The following PPIL4 variants were observed in gnomAD, a reference collection of about 807,000 sequenced individuals.
PPIL4 encodes the protein peptidylprolyl isomerase like 4.
PPIL4 carries 50 observed loss-of-function variants against 69.1 expected under a neutral mutation model. That is an observed-to-expected ratio of 0.72 (90% CI 0.58 to 0.92). PPIL4 has a LOEUF of 0.92. PPIL4 is among the 40% of genes least tolerant of loss of function. PPIL4 has a pLI of 0.00. For synonymous variants in PPIL4, 193 were observed against 191.6 expected (o/e 1.01, Z -0.06); for missense variants, 480 against 587.9 (o/e 0.82, Z 1.90).
At chr6:149,507,398 G>A (rs1189925375) in intron 12 of PPIL4, among the ~76,000 whole-genome samples, 7 of 152,132 alleles carry the variant, frequency 4.6e-5, no homozygotes, top group Non-Finnish European at 8.8e-5. Context: ...GAAAAAATGA[G>A]TAGGCATTTT....
chr6:149,520,239 AC>A (rs1777008710), intron 10 of PPIL4, among the ~76,000 whole-genome samples: 1 of 152,142 alleles, frequency 6.6e-6, no homozygotes. Flanking sequence ...ATATATATGC[AC>A]ATATGTATTC....
Position 149,505,674 on chromosome 6 carries a change from A to G in PPIL4, c.1258T>C (p.Tyr420His). 1.9e-6 allele frequency: 3 copies of G among 1,613,904 alleles called. No homozygotes were observed. The highest frequency in any genetic ancestry group is 2.5e-6 in the Non-Finnish European group (3 of 1,179,840). The change falls in exon 13 of 13, where the codon TAT (tyrosine) becomes CAT (histidine). Residue 420 changes from tyrosine (Y) to histidine (H), a missense_variant. By Grantham distance (83) the Tyr-to-His change is moderately conservative (BLOSUM62 2). Coordinates refer to ENST00000253329, the MANE Select transcript of PPIL4 (RefSeq NM_139126.4). Reference sequence around the variant, plus strand: ...TCCCAACAGCTTTCTTCTTCTTCATAGTGACCAAACCCCATTTCTCTATAG... The same window carrying G: ...TCCCAACAGCTTTCTTCTTCTTCATGGTGACCAAACCCCATTTCTCTATAG... The part of the protein sequence containing the change: ...DIYREMGFGH[Y>H]EEEESCWEKQ...
chr6:149,509,956 C>T (rs1776818558), intron 12 of PPIL4, among the ~76,000 whole-genome samples: 1 of 152,042 alleles, frequency 6.6e-6, no homozygotes, highest in Admixed American at 6.6e-5. Context: ...GAGACAGGGC[C>T]TCCTATGTTG....
chr6:149,537,186 T>C lies in PPIL4; in HGVS notation c.322-1448A>G, dbSNP rs553703394. The stretch of plus-strand genomic sequence containing the variant: ...AGTTATCTGGAAGATCTAGCTAAGA[T>C]CACTGATGAAGATGACTTCATGAAA... On this transcript the variant is annotated intron_variant, in intron 4 of 12. Transcript: ENST00000253329. Among the ~76,000 whole-genome samples the C allele has an allele frequency of 6.6e-5, 10 of 150,696 alleles. No individual in the cohort carries two copies. In the East Asian group the frequency reaches 2.0e-3, roughly 29 times the overall value.
chr6:149,535,854 A>T, intron 4 of PPIL4, 116 bp from the exon 5 acceptor site: 1 of 643,364 alleles, frequency 1.6e-6, no homozygotes, highest in East Asian at 2.7e-5. Flanking sequence ...TACTGCACCA[A>T]TTCTTAGACA....
chr6:149,544,084 G>T (rs1319203965), intron 1 of PPIL4, among the ~76,000 whole-genome samples: 3 of 151,624 alleles, frequency 2.0e-5, no homozygotes, highest in Non-Finnish European at 4.4e-5. Context: ...CAGACCCACT[G>T]CTTGTTAATT....
At chr6:149,540,021 C>T (rs1777337101) in intron 4 of PPIL4, among the ~76,000 whole-genome samples, 1 of 151,972 alleles carries the variant, frequency 6.6e-6, no homozygotes, top group African/African-American at 2.4e-5. Flanking sequence ...TCCCGCTACT[C>T]GGGAGGCTGA....
rs1298625623 is a variant in PPIL4, at chr6:149,546,008, C to A, written c.-3G>T. On this transcript the variant is annotated 5_prime_UTR_variant, in exon 1 of 13. Transcript: ENST00000253329. Reference sequence around the variant, plus strand: ...GTGGTCTCCAGTAGAACCGCCATGGCGCCCGCTCCTCCTCCGCTACAAACC... The same window carrying A: ...GTGGTCTCCAGTAGAACCGCCATGGAGCCCGCTCCTCCTCCGCTACAAACC... The A allele has an allele frequency of 6.4e-7, 1 of 1,574,452 alleles. No individual in the cohort carries two copies. The highest frequency in any genetic ancestry group is 1.2e-5 in the South Asian group (1 of 86,832).
At chr6:149,510,650 G>T (rs1454739924) in intron 12 of PPIL4, among the ~76,000 whole-genome samples, 1 of 152,102 alleles carries the variant, frequency 6.6e-6, no homozygotes, top group African/African-American at 2.4e-5. Context: ...GCTGAGGCAG[G>T]AGAATCGCTT....
chr6:149,538,129 A>T (rs1408811019), intron 4 of PPIL4, among the ~76,000 whole-genome samples: 1 of 151,932 alleles, frequency 6.6e-6, no homozygotes, highest in African/African-American at 2.4e-5. Flanking sequence ...AGCCGGGCGT[A>T]GTGGTGCACA....
At position 149,505,178 on chromosome 6, in the gene PPIL4, A is replaced by T. The variant is rs1583201175; in HGVS notation, c.*275T>A. 8 of 309,780 alleles carry T rather than the reference A, an allele frequency of 2.6e-5. No homozygotes were observed. The South Asian group carries it at 3.4e-4, about 13-fold the overall frequency. The allele number at this position is 309,780 out of a possible 1,614,324, so 19.2% of individuals were successfully genotyped here. ...ACGTTTATGTATTTTTGTAGTATGA[A>T]ATACTTCATTAAAAAAAGAGTGAAA... is the stretch of plus-strand genomic sequence containing the variant. On this transcript the variant is annotated 3_prime_UTR_variant, in exon 13 of 13. Transcript: ENST00000253329.
chr6:149,515,129 C>A (rs1050958683), intron 11 of PPIL4, among the ~76,000 whole-genome samples: 1 of 151,664 alleles, frequency 6.6e-6, no homozygotes, highest in Non-Finnish European at 1.5e-5. Context: ...TGAGCCACTG[C>A]ACCCAGCCAA....
rs770048647 is a variant in PPIL4, at chr6:149,517,374, A to G, written c.1059T>C (p.Asp353=). 3.8e-5 allele frequency: 60 copies of G among 1,599,162 alleles called. No homozygotes were observed. Among genetic ancestry groups the G allele is most frequent in the Middle Eastern group, 1.7e-4 (1 of 6,036 alleles). Residue 353 remains aspartate (D), a synonymous_variant, in exon 11 of 13, where the codon GAT becomes GAC. Coordinates refer to ENST00000253329, the MANE Select transcript of PPIL4 (RefSeq NM_139126.4). ...GATACTCCTGTTTGGGCTTTACTTT[A>G]TCTTTCAGAACCAAATTAGGTGGTT... ...QDKPPNLVLK[D]KVKPKQDTKY...
chr6:149,519,497 C>T (rs1487735323), intron 10 of PPIL4, among the ~76,000 whole-genome samples: 2 of 152,156 alleles, frequency 1.3e-5, no homozygotes, highest in East Asian at 3.8e-4. Flanking sequence ...AATCTTAGTG[C>T]TTCAATTTAG....
rs1302513173 is a variant in PPIL4 at position 149,541,602 on chromosome 6, T to A, written c.71-16A>T. The A allele has an allele frequency of 7.2e-7, 1 of 1,392,288 alleles. No homozygotes were observed. The highest frequency in any genetic ancestry group is 2.3e-5 in the East Asian group (1 of 43,654). The allele number at this position is 1,392,288 out of a possible 1,614,324, so 86.2% of individuals were successfully genotyped here. A position where few individuals can be genotyped will look rare whatever the true frequency, so the allele number is the denominator to read the frequency against. ...TTCAAGCAGGCTGAAAGAAAGTAAA[T>A]ACCAAATTTATCACAGTAATCCACA... On this transcript the variant is annotated splice_polypyrimidine_tract_variant and intron_variant, in intron 1 of 12. Transcript: ENST00000253329.
chr6:149,513,184 G>A (rs1384920335), intron 11 of PPIL4, among the ~76,000 whole-genome samples: 54 of 147,290 alleles, frequency 3.7e-4, no homozygotes, highest in Non-Finnish European at 5.6e-4. Flanking sequence ...CCAGGAGTTC[G>A]AGACCAGCCT....
Position 149,534,713 on chromosome 6 carries a change from C to T in PPIL4, c.526G>A (p.Asp176Asn). 6.3e-7 allele frequency: 1 copy of T among 1,594,948 alleles called. No individual in the cohort carries two copies. The highest frequency in any genetic ancestry group is 8.6e-7 in the Non-Finnish European group (1 of 1,166,344). Residue 176 changes from aspartate to asparagine, a missense_variant, in exon 6 of 13, where the codon GAT becomes AAT. By Grantham distance (23) the Asp-to-Asn change is conservative (BLOSUM62 1). Transcript: ENST00000253329. Reference sequence around the variant, plus strand: ...TCCCTTGTAGGTTCTGGTGATCGATCAGGGATTAATAAATCAGGAGGGTCA... The same window carrying T: ...TCCCTTGTAGGTTCTGGTGATCGATTAGGGATTAATAAATCAGGAGGGTCA... ...FDDPPDLLIPDRSPEPTREQL... is the reference protein window; with the variant it reads ...FDDPPDLLIPNRSPEPTREQL...
chr6:149,540,987 G>T lies in PPIL4; in HGVS notation c.276C>A (p.Gly92=). Residue 92 remains glycine, a synonymous_variant, in exon 4 of 13, where the codon GGC becomes GGA. Coordinates refer to ENST00000253329, the MANE Select transcript of PPIL4 (RefSeq NM_139126.4). Reference sequence around the variant, plus strand: ...TGCCATTATTCACCATGGACACTGTGCCTTTCTTCTTGTGCTTAATTCTTG... The same window carrying T: ...TGCCATTATTCACCATGGACACTGTTCCTTTCTTCTTGTGCTTAATTCTTG... The part of the protein sequence containing the change: ...KVPRIKHKKK[G]TVSMVNNGSD... 6.2e-7 allele frequency: 1 copy of T among 1,612,588 alleles called. No individual in the cohort carries two copies.
At chr6:149,509,394 GTTTA>G (rs1434243163) in intron 12 of PPIL4, among the ~76,000 whole-genome samples, 1 of 152,108 alleles carries the variant, frequency 6.6e-6, no homozygotes, top group African/African-American at 2.4e-5. Context: ...ACACACCAAT[GTTTA>G]TTTATCTCAG....
Sources: gnomAD v4.1 joint callset for allele counts (sites outside exome capture counted in the v4.1 genomes callset) on GRCh38, gnomAD v4.1.1 for gene constraint, MANE v1.5 for transcripts, NCBI Gene and HGNC (gene_info 2026-07-23, HGNC 2026-07-21) for gene names.